The following ZNF3 variants were observed in gnomAD, a reference collection of about 807,000 sequenced individuals.
The protein encoded by ZNF3 is zinc finger protein 3, also known as C2-H2 type zinc finger protein.
Under a neutral mutation model 36.9 loss-of-function variants are expected in ZNF3, and 16 were observed. The observed-to-expected ratio is 0.43, with a 90% CI of 0.29 to 0.66. The LOEUF is 0.66. Ranked by LOEUF, ZNF3 falls within the 30% of genes least tolerant of loss-of-function variation. The probability of loss-of-function intolerance (pLI) is 0.13; values close to 1 mark genes in which losing one functional copy is unlikely to be tolerated. For missense variants in ZNF3, 462 were observed against 543.1 expected, an observed-to-expected ratio of 0.85 and a Z score of 1.48; for synonymous variants, 201 against 201.9, an observed-to-expected ratio of 1.00 and a Z score of 0.04.
At position 100,072,096 on chromosome 7, in the gene ZNF3, A is replaced by C; in HGVS notation, c.388T>G (p.Tyr130Asp). 7 of 1,614,178 alleles carry C rather than the reference A, an allele frequency of 4.3e-6. No individual in the cohort carries two copies. Among genetic ancestry groups the C allele is most frequent in the Non-Finnish European group, 5.9e-6 (7 of 1,180,028 alleles). Reference protein sequence around the residue: ...ISQGLKFKEAYEREVSLKRPL... With the variant: ...ISQGLKFKEADEREVSLKRPL... ...CTTTTCAGACTGACTTCTCGTTCAT[A>C]GGCTTCTTTAAACTTGAGACCCTGA... Residue 130 changes from tyrosine to aspartate, a missense_variant, in exon 6 of 6, where the codon TAT becomes GAT. Transcript: ENST00000299667.
downstream of ZNF3, chr7:100,063,919 G>A (rs186501023): frequency 2.8e-5 from 46 of 1,614,132 alleles, no homozygotes; most frequent in Middle Eastern, 1.6e-4. Context: ...GAGGCAGTGC[G>A]TAAACCTTGA....
At position 100,071,614 on chromosome 7, in the gene ZNF3, C is replaced by A. The variant is rs562568350; in HGVS notation, c.870G>T (p.Gly290=). The A allele has an allele frequency of 2.5e-5, 41 of 1,613,942 alleles. 1 individual carries two copies. In the South Asian group the frequency reaches 4.4e-4, roughly 17 times the overall value. Residue 290 remains glycine, a synonymous_variant, in exon 6 of 6, where the codon GGG becomes GGT. Transcript: ENST00000299667. ...GEKPYECNEC[G]KTFSWSSTLT... ...GGGTGGAGCTCCAGCTGAAGGTCTT[C>A]CCACACTCATTACATTCATAGGGTT... is the stretch of plus-strand genomic sequence containing the variant.
chr7:100,078,830 C>T (rs982444918), intron 2 of ZNF3: 2 of 151,948 alleles, frequency 1.3e-5, no homozygotes, highest in African/African-American at 2.4e-5. Flanking sequence ...GTAAAAAAAT[C>T]GGGAATGCAA....
rs371759699 is a variant in ZNF3 at position 100,077,401 on chromosome 7, G to A, written c.-44C>T. ...CTGGTCTCCTGGGTGCAGACTCAGC[G>A]GGAAGCGGGTTTTAAAAGAGAATGA... is the stretch of plus-strand genomic sequence containing the variant. On this transcript the variant is annotated 5_prime_UTR_variant, in exon 3 of 6. Transcript: ENST00000299667. The A allele has an allele frequency of 3.2e-5, 51 of 1,613,104 alleles. No individual in the cohort carries two copies. Among genetic ancestry groups the A allele is most frequent in the Middle Eastern group, 3.3e-4 (2 of 6,082 alleles).
At chr7:100,064,988 C>A, downstream of ZNF3, 1 of 1,553,988 alleles carries the variant, frequency 6.4e-7, no homozygotes, top group Non-Finnish European at 8.8e-7. Context: ...AAGAATTGAG[C>A]CACATTGAAC....
chr7:100,067,359 T>C (rs1483270691), downstream of ZNF3, among the ~76,000 whole-genome samples: 1 of 152,218 alleles, frequency 6.6e-6, no homozygotes, highest in Non-Finnish European at 1.5e-5. Flanking sequence ...CTGAGTCTGC[T>C]GACACCCTTT....
chr7:100,075,335 A>T, intron 4 of ZNF3, 74 bp from the exon 5 acceptor site: 2 of 1,612,226 alleles, frequency 1.2e-6, no homozygotes, highest in African/African-American at 2.7e-5. Context: ...ATCACTGAGG[A>T]TGGGGTGAAA....
chr7:100,075,627 A>C lies in ZNF3; in HGVS notation c.59T>G (p.Leu20Arg). 1 of 1,614,066 alleles carries C rather than the reference A, an allele frequency of 6.2e-7. No homozygotes were observed. Among genetic ancestry groups the C allele is most frequent in the Non-Finnish European group, 8.5e-7 (1 of 1,179,964 alleles). Reference protein sequence around the residue: ...QEPQALLDSALPSKVPAFSDK... With the variant: ...QEPQALLDSARPSKVPAFSDK... ...GGAAAAGGCAGGAACTTTTGAAGGAAGAGCTGAAGGGCAATAAAAGGGCCC... is the reference window on the plus strand; with the variant it reads ...GGAAAAGGCAGGAACTTTTGAAGGACGAGCTGAAGGGCAATAAAAGGGCCC... The change falls in exon 4 of 6, where the codon CTT becomes CGT. Residue 20 changes from leucine to arginine, a missense_variant. By Grantham distance (102) the Leu-to-Arg change is moderately radical. Coordinates refer to ENST00000299667, the MANE Select transcript of ZNF3 (RefSeq NM_032924.5).
chr7:100,076,324 A>G (rs925375224), intron 3 of ZNF3, among the ~76,000 whole-genome samples: 26 of 146,598 alleles, frequency 1.8e-4, no homozygotes, highest in Admixed American at 6.2e-4. Flanking sequence ...GTGGCGTCTC[A>G]CTCTGTCACC....
chr7:100,064,923 A>C (rs370786553), intron 5 of ZNF3: 13 of 1,612,628 alleles, frequency 8.1e-6, no homozygotes, highest in Non-Finnish European at 1.1e-5. Flanking sequence ...CTAGTTAAGG[A>C]AGAAACATTA....
chr7:100,073,741 C>G (rs1405634371), intron 5 of ZNF3, among the ~76,000 whole-genome samples: 3 of 152,058 alleles, frequency 2.0e-5, no homozygotes, highest in Non-Finnish European at 4.4e-5. Context: ...AGAAGGGGAG[C>G]AGAGAAGCAG....
exon 6 of ZNF3, chr7:100,064,559 G>T: frequency 6.2e-7 from 1 of 1,614,234 alleles, no homozygotes. Flanking sequence ...ACCTTCTGTA[G>T]CAAGTCCAAT....
rs1792876892 is a variant in ZNF3, at chr7:100,070,020, A to C, written c.*1123T>G. On this transcript the variant is annotated 3_prime_UTR_variant, in exon 6 of 6. Transcript: ENST00000299667. ...TAATAGTGCACTTCATTTATGCTAC[A>C]GGATGAGCAGGGTTGGGAAAACACA... The C allele has an allele frequency of 1.0e-6, 1 of 985,828 alleles. No individual in the cohort carries two copies. The allele number at this position is 985,828 out of a possible 1,614,324, so 61.1% of individuals were successfully genotyped here.
chr7:100,077,242 G>A lies in ZNF3; in HGVS notation c.55+61C>T, dbSNP rs146322889. 2,534 of 1,605,106 alleles carry A rather than the reference G, an allele frequency of 1.6e-3. 6 individuals carry two copies. Among genetic ancestry groups the A allele is most frequent in the Middle Eastern group, 1.0e-2 (60 of 6,012 alleles). On this transcript the variant is annotated intron_variant, in intron 3 of 5. Coordinates refer to ENST00000299667, the MANE Select transcript of ZNF3 (RefSeq NM_032924.5). ...TTAGCCTAGTACCTGGTAAGTGAGC[G>A]ATTTCAATGGATGATTGCAGAATGA...
rs1584411786 is a variant in ZNF3 at position 100,071,058 on chromosome 7, C to T, written c.*85G>A. The T allele has an allele frequency of 8.0e-6, 12 of 1,507,586 alleles. No homozygotes were observed. In the East Asian group the frequency reaches 2.0e-4, roughly 26 times the overall value. The allele number at this position is 1,507,586 out of a possible 1,614,324, so 93.4% of individuals were successfully genotyped here. A position where few individuals can be genotyped will look rare whatever the true frequency, so the allele number is the denominator to read the frequency against. Reference sequence around the variant, plus strand: ...AATGAAAAGTCTGAGTTGAAAGGGACACATCCTAAGCTGTTGAGATTTATA... The same window carrying T: ...AATGAAAAGTCTGAGTTGAAAGGGATACATCCTAAGCTGTTGAGATTTATA... On this transcript the variant is annotated 3_prime_UTR_variant, in exon 6 of 6. Coordinates refer to ENST00000299667, the MANE Select transcript of ZNF3 (RefSeq NM_032924.5).
At position 100,075,249 on chromosome 7, in the gene ZNF3, A is replaced by C; in HGVS notation, c.157T>G (p.Phe53Val). ...LKAKSQELVT[F>V]EDVAVYFIRK... ...ATGAAGTACACAGCTACATCCTCAA[A>C]GGTTACCAGCTCCTGAAACAACACG... Residue 53 changes from phenylalanine to valine, a missense_variant, in exon 5 of 6, where the codon TTT (phenylalanine) becomes GTT (valine). Phe to Val is a conservative substitution (Grantham distance 50, BLOSUM62 -1). Transcript: ENST00000299667. 1.2e-6 allele frequency: 2 copies of C among 1,614,106 alleles called. No individual in the cohort carries two copies. The highest frequency in any genetic ancestry group is 1.7e-6 in the Non-Finnish European group (2 of 1,180,010).
At chr7:100,078,149 A>C (rs1437660747) in intron 2 of ZNF3, among the ~76,000 whole-genome samples, 2 of 152,146 alleles carry the variant, frequency 1.3e-5, no homozygotes, top group Non-Finnish European at 2.9e-5. Context: ...CATCACTTTG[A>C]GTAATATTTA....
At chr7:100,066,516 G>A (rs1297187824), downstream of ZNF3, among the ~76,000 whole-genome samples, 2 of 151,876 alleles carry the variant, frequency 1.3e-5, no homozygotes, top group Non-Finnish European at 2.9e-5. Context: ...GGATCACGAG[G>A]TCAGGAGATT....
At chr7:100,069,174 G>A (rs1172579517), downstream of ZNF3, among the ~76,000 whole-genome samples, 5 of 151,416 alleles carry the variant, frequency 3.3e-5, no homozygotes, top group East Asian at 1.9e-4. Flanking sequence ...GTCTTGCCAC[G>A]TTGCCTAGGC....
Sources: gnomAD v4.1 joint callset for allele counts (sites outside exome capture counted in the v4.1 genomes callset) on GRCh38, gnomAD v4.1.1 for gene constraint, MANE v1.5 for transcripts, NCBI Gene and HGNC (gene_info 2026-07-23, HGNC 2026-07-21) for gene names.